Variants in TAFA1 observed in about 807,000 individuals in gnomAD.
The protein encoded by TAFA1 is chemokine-like protein TAFA-1.
Under a neutral mutation model 18.5 loss-of-function variants are expected in TAFA1, and 4 were observed. The observed-to-expected ratio is 0.22, with a 90% CI of 0.11 to 0.49. The LOEUF is 0.49. TAFA1 is among the 20% of genes least tolerant of loss of function. The probability of loss-of-function intolerance (pLI) is 0.98; values close to 1 mark genes in which losing one functional copy is unlikely to be tolerated. For synonymous variants in TAFA1, 56 were observed against 55.2 expected (o/e 1.01, Z -0.06); for missense variants, 147 against 169.0 (o/e 0.87, Z 0.72).
At chr3:68,051,250 TCTA>T (rs1230160284) in intron 2 of TAFA1, among the ~76,000 whole-genome samples, 1 of 152,186 alleles carries the variant, frequency 6.6e-6, no homozygotes, top group East Asian at 1.9e-4. Flanking sequence ...CATTTCAATT[TCTA>T]CTATTATTGT....
At position 68,456,465 on chromosome 3, in the gene TAFA1, G is replaced by A. The variant is rs1188988701; in HGVS notation, c.259+39045G>A. 6.6e-5 allele frequency among the ~76,000 whole-genome samples: 10 copies of A among 152,168 alleles called. No individual in the cohort carries two copies. The East Asian group carries it at 7.7e-4, about 12-fold the overall frequency. On this transcript the variant is annotated intron_variant, in intron 3 of 4. Transcript: ENST00000478136. ...TAACAGCATCTGAGAATTGGTCTGC[G>A]GCCTCTTGGTTAGCAGAAGTTGCTT...
chr3:68,477,727 G>A (rs2072130286), intron 3 of TAFA1, among the ~76,000 whole-genome samples: 1 of 152,070 alleles, frequency 6.6e-6, no homozygotes, highest in African/African-American at 2.4e-5. Flanking sequence ...ATTTCTGTTG[G>A]ATATAAGCCT....
chr3:68,293,242 T>A (rs1331103267), intron 2 of TAFA1, among the ~76,000 whole-genome samples: 3 of 152,180 alleles, frequency 2.0e-5, no homozygotes, highest in African/African-American at 7.2e-5. Context: ...AGCATCAGGA[T>A]CTTCACATGC....
intron 3 of TAFA1, among the ~76,000 whole-genome samples, chr3:68,525,448 A>G (rs536470918): frequency 9.2e-4 from 140 of 152,316 alleles, no homozygotes; most frequent in African/African-American, 3.1e-3. Flanking sequence ...GGTGGTCTAT[A>G]AATATTTTTT....
chr3:68,271,946 G>C (rs1180324437), intron 2 of TAFA1, among the ~76,000 whole-genome samples: 3 of 152,008 alleles, frequency 2.0e-5, no homozygotes, highest in Non-Finnish European at 4.4e-5. Flanking sequence ...TTGAAATATG[G>C]TTAAGTGATT....
chr3:68,469,438 G>T (rs2071953076), intron 3 of TAFA1, among the ~76,000 whole-genome samples: 1 of 152,138 alleles, frequency 6.6e-6, no homozygotes, highest in Non-Finnish European at 1.5e-5. Flanking sequence ...ACTTTGGGAG[G>T]CCAAAGCGGG....
chr3:68,128,694 G>C (rs977508496), intron 2 of TAFA1, among the ~76,000 whole-genome samples: 2 of 152,144 alleles, frequency 1.3e-5, no homozygotes, highest in Non-Finnish European at 2.9e-5. Flanking sequence ...GAAATATTTG[G>C]TACTTAAAGC....
intron 2 of TAFA1, among the ~76,000 whole-genome samples, chr3:68,269,680 G>C (rs1170360070): frequency 6.6e-6 from 1 of 152,072 alleles, no homozygotes; most frequent in Non-Finnish European, 1.5e-5. Context: ...CCAGAACTTT[G>C]GGAGGCCAAG....
chr3:68,530,092 A>G (rs1050691892), intron 3 of TAFA1, among the ~76,000 whole-genome samples: 9 of 152,160 alleles, frequency 5.9e-5, no homozygotes, highest in African/African-American at 2.2e-4. Flanking sequence ...GGACAGGACT[A>G]TGTCATGTTC....
chr3:68,329,160 T>C (rs1208315626), intron 2 of TAFA1, among the ~76,000 whole-genome samples: 1 of 149,884 alleles, frequency 6.7e-6, no homozygotes, highest in African/African-American at 2.4e-5. Context: ...GCAATTCTTT[T>C]GCCTCAGCCT....
intron 3 of TAFA1, among the ~76,000 whole-genome samples, chr3:68,488,088 G>A (rs2072380888): frequency 6.6e-6 from 1 of 152,126 alleles, no homozygotes; most frequent in Non-Finnish European, 1.5e-5. Context: ...GGGTTCTCTA[G>A]AAGGACAGAA....
At chr3:68,236,086 C>T (rs926231992) in intron 2 of TAFA1, among the ~76,000 whole-genome samples, 1 of 152,164 alleles carries the variant, frequency 6.6e-6, no homozygotes, top group Non-Finnish European at 1.5e-5. Flanking sequence ...AAAACTACCA[C>T]AACACTACCC....
rs182167256 is a variant in TAFA1 at position 68,470,210 on chromosome 3, T to C, written c.259+52790T>C. Among the ~76,000 whole-genome samples the C allele has an allele frequency of 2.0e-3, 304 of 152,348 alleles. 4 individuals are homozygous for C. Among genetic ancestry groups the C allele is most frequent in the African/African-American group, 7.0e-3 (293 of 41,588 alleles). On this transcript the variant is annotated intron_variant, in intron 3 of 4. Transcript: ENST00000478136. ...ATGACTTTGATTCTCATTCACCTTC[T>C]GCCATGATTGGGAAGCCTCCCCAGC...
At chr3:68,019,614 ATTTG>A (rs1704643818) in intron 2 of TAFA1, among the ~76,000 whole-genome samples, 1 of 152,184 alleles carries the variant, frequency 6.6e-6, no homozygotes, top group Admixed American at 6.5e-5. Flanking sequence ...TGATTTGATC[ATTTG>A]CAGCAGTGTC....
At chr3:68,093,778 G>A (rs1006647671) in intron 2 of TAFA1, among the ~76,000 whole-genome samples, 4 of 151,982 alleles carry the variant, frequency 2.6e-5, no homozygotes, top group East Asian at 3.9e-4. Flanking sequence ...TTGGATAAAG[G>A]TTGATGAAAA....
At chr3:68,385,169 G>A (rs1369359670) in intron 2 of TAFA1, among the ~76,000 whole-genome samples, 2 of 151,972 alleles carry the variant, frequency 1.3e-5, no homozygotes, top group African/African-American at 4.8e-5. Flanking sequence ...ACCTCACTGG[G>A]TTTTCGCCCC....
intron 2 of TAFA1, among the ~76,000 whole-genome samples, chr3:68,233,510 G>C (rs1264705196): frequency 2.0e-5 from 3 of 152,086 alleles, no homozygotes; most frequent in Non-Finnish European, 4.4e-5. Flanking sequence ...TTATACTAAT[G>C]CCATGCTGTC....
intron 2 of TAFA1, among the ~76,000 whole-genome samples, chr3:68,376,281 G>T (rs778792905): frequency 1.3e-5 from 2 of 150,982 alleles, no homozygotes; most frequent in South Asian, 2.1e-4. Flanking sequence ...AAGTTCAGGG[G>T]TACATATGCA....
chr3:68,029,928 G>A (rs183024448), intron 2 of TAFA1, among the ~76,000 whole-genome samples: 14 of 152,208 alleles, frequency 9.2e-5, no homozygotes, highest in Non-Finnish European at 2.1e-4. Context: ...GAAAACCACT[G>A]GGCAAATATA....
Sources: gnomAD v4.1 joint callset for allele counts (sites outside exome capture counted in the v4.1 genomes callset) on GRCh38, gnomAD v4.1.1 for gene constraint, MANE v1.5 for transcripts, NCBI Gene and HGNC (gene_info 2026-07-23, HGNC 2026-07-21) for gene names.